The following SBNO1 variants were observed in gnomAD, a reference collection of about 807,000 sequenced individuals.
SBNO1 encodes protein strawberry notch homolog 1.
Under a neutral mutation model 173.6 loss-of-function variants are expected in SBNO1, and 23 were observed. The ratio of observed to expected loss-of-function variants is 0.13; its 90% CI spans 0.10 to 0.19. SBNO1 has a LOEUF of 0.19. Ranked by LOEUF, SBNO1 falls within the 10% of genes least tolerant of loss-of-function variation. The pLI is 1.00. For missense variants in SBNO1, 1,238 were observed against 1,671.2 expected, an observed-to-expected ratio of 0.74 and a Z score of 4.52; for synonymous variants, 632 against 571.5, an observed-to-expected ratio of 1.11 and a Z score of -1.51.
At chr12:123,316,710 T>C (rs1466673500) in intron 21 of SBNO1, among the ~76,000 whole-genome samples, 1 of 149,532 alleles carries the variant, frequency 6.7e-6, no homozygotes, top group African/African-American at 2.4e-5. Context: ...CTTCTTTTTT[T>C]TTTTTTTTTT....
intron 1 of SBNO1, among the ~76,000 whole-genome samples, chr12:123,363,391 T>A (rs538163621): frequency 1.3e-5 from 2 of 152,306 alleles, no homozygotes; most frequent in East Asian, 3.9e-4. Flanking sequence ...TACTGTCAGC[T>A]CGCAGAATTA....
intron 1 of SBNO1, among the ~76,000 whole-genome samples, chr12:123,360,021 C>T (rs1201394911): frequency 6.6e-6 from 1 of 152,086 alleles, no homozygotes; most frequent in Non-Finnish European, 1.5e-5. Context: ...CGGTTGGTCA[C>T]CTGAGGTCAG....
At chr12:123,342,091 A>C (rs1872634719) in intron 4 of SBNO1, among the ~76,000 whole-genome samples, 1 of 151,752 alleles carries the variant, frequency 6.6e-6, no homozygotes, top group Non-Finnish European at 1.5e-5. Flanking sequence ...GTCTCTACTA[A>C]AAATACAAAA....
In SBNO1 at chr12:123,311,720, C is replaced by CTATCTATA. The variant is rs1224940028; in HGVS notation, c.3221-592_3221-591insTATAGATA. On this transcript the variant is annotated intron_variant, in intron 24 of 31. Coordinates refer to ENST00000602398, the MANE Select transcript of SBNO1 (RefSeq NM_001167856.3). ...TCTATCTATCTATCTATCTATCTATCTATATATATATATATATATATATAT... is the reference window on the plus strand; with the variant it reads ...TCTATCTATCTATCTATCTATCTATCTATCTATATATATATATATATATATATATATAT... Among the ~76,000 whole-genome samples, 312 of 127,408 alleles carry CTATCTATA rather than the reference C, an allele frequency of 2.4e-3. 1 individual carries two copies. Among genetic ancestry groups the CTATCTATA allele is most frequent in the African/African-American group, 5.8e-3 (183 of 31,498 alleles). 83.6% of individuals were successfully genotyped at this position (127,408 alleles called of 152,430 possible). A position where few individuals can be genotyped will look rare whatever the true frequency, so the allele number is the denominator to read the frequency against.
rs367548933 is a variant in SBNO1 at position 123,317,400 on chromosome 12, C to T, written c.2800-44G>A. 13 of 1,595,214 alleles carry T rather than the reference C, an allele frequency of 8.1e-6. No homozygotes were observed. In the African/African-American group the frequency reaches 1.3e-4, roughly 16 times the overall value. On this transcript the variant is annotated intron_variant, in intron 20 of 31. Transcript: ENST00000602398. ...AAATAAAGTCACTTTTGCATAAGAA[C>T]AAGCAGGCCAGTGCCTTAAATGAAG...
intron 25 of SBNO1, 108 bp downstream of exon 25, chr12:123,310,947 G>T: frequency 1.2e-6 from 1 of 836,544 alleles, no homozygotes. Flanking sequence ...AAACCACCCA[G>T]AATGTTTTAA....
intron 23 of SBNO1, among the ~76,000 whole-genome samples, chr12:123,314,628 C>T (rs1048881143): frequency 6.6e-6 from 1 of 151,562 alleles, no homozygotes; most frequent in Admixed American, 6.6e-5. Context: ...TGCCCAGCCA[C>T]GCCCAACTAA....
chr12:123,347,674 G>A (rs550247489), intron 3 of SBNO1, among the ~76,000 whole-genome samples: 3 of 152,076 alleles, frequency 2.0e-5, no homozygotes, highest in South Asian at 2.1e-4. Context: ...GACTATAGGC[G>A]TGCACCACCA....
chr12:123,312,408 C>G (rs1406238131), intron 24 of SBNO1, among the ~76,000 whole-genome samples: 3 of 152,098 alleles, frequency 2.0e-5, no homozygotes, highest in African/African-American at 7.2e-5. Flanking sequence ...AAAAGGACTT[C>G]CTAGTGAAAA....
chr12:123,292,287 C>T lies in SBNO1; in HGVS notation c.*3621G>A, dbSNP rs535235018. 1.3e-5 allele frequency: 2 copies of T among 152,240 alleles called. No individual in the cohort carries two copies. The highest frequency in any genetic ancestry group is 1.9e-4 in the East Asian group (1 of 5,184). 9.4% of individuals were successfully genotyped at this position (152,240 alleles called of 1,614,324 possible). A position where few individuals can be genotyped will look rare whatever the true frequency, so the allele number is the denominator to read the frequency against. ...ATGTAGCACCATTCTTAGAAACTAC[C>T]AAGTATCACACAGGTACATGTGTAT... On this transcript the variant is annotated 3_prime_UTR_variant, in exon 32 of 32. Coordinates refer to ENST00000602398, the MANE Select transcript of SBNO1 (RefSeq NM_001167856.3).
intron 13 of SBNO1, 48 bp from the exon 14 acceptor site, chr12:123,326,382 T>C (rs754538864): frequency 4.6e-6 from 6 of 1,299,800 alleles, no homozygotes; most frequent in African/African-American, 4.4e-5. Flanking sequence ...TTGAGTCTAG[T>C]TATTTAAAAA....
intron 19 of SBNO1, 106 bp from the exon 20 acceptor site, chr12:123,320,137 C>T: frequency 1.6e-6 from 2 of 1,247,500 alleles, no homozygotes; most frequent in Non-Finnish European, 1.1e-6. Context: ...ACAGGCTGTG[C>T]TGCACCACAC....
At chr12:123,340,488 G>A (rs1046183016) in intron 5 of SBNO1, among the ~76,000 whole-genome samples, 3 of 150,868 alleles carry the variant, frequency 2.0e-5, no homozygotes, top group African/African-American at 7.3e-5. Context: ...GGCTGAGGTG[G>A]GAGAATCACT....
At chr12:123,362,610 T>C (rs534125068) in intron 1 of SBNO1, among the ~76,000 whole-genome samples, 1 of 143,378 alleles carries the variant, frequency 7.0e-6, no homozygotes, top group South Asian at 2.2e-4. Context: ...GCCAACTACA[T>C]AAAAAAAAAT....
chr12:123,311,590 G>A (rs557150787), intron 24 of SBNO1, among the ~76,000 whole-genome samples: 4 of 151,254 alleles, frequency 2.6e-5, no homozygotes, highest in Admixed American at 6.6e-5. Context: ...CCTAACCTCC[G>A]GAGATCCACC....
Position 123,289,575 on chromosome 12 carries a change from T to C in SBNO1, c.*6333A>G, listed in dbSNP as rs1387649210. 1 of 152,238 alleles carries C rather than the reference T, an allele frequency of 6.6e-6. No homozygotes were observed. The highest frequency in any genetic ancestry group is 1.5e-5 in the Non-Finnish European group (1 of 68,048). The allele number at this position is 152,238 out of a possible 1,614,324, so 9.4% of individuals were successfully genotyped here. A position where few individuals can be genotyped will look rare whatever the true frequency, so the allele number is the denominator to read the frequency against. ...ATGTCAGATTAGTAAAGGAGAACCA[T>C]CTACACCTACATAGAAAAGTATCCT... On this transcript the variant is annotated 3_prime_UTR_variant, in exon 32 of 32. Transcript: ENST00000602398.
chr12:123,352,420 C>T (rs965955004), intron 1 of SBNO1, among the ~76,000 whole-genome samples: 1 of 151,564 alleles, frequency 6.6e-6, no homozygotes, highest in Non-Finnish European at 1.5e-5. Context: ...GATGCTCCTG[C>T]CTCACCCTCC....
chr12:123,314,368 T>C (rs1593347097), intron 23 of SBNO1, among the ~76,000 whole-genome samples: 1 of 151,460 alleles, frequency 6.6e-6, no homozygotes, highest in South Asian at 2.1e-4. Flanking sequence ...TCTTGCTCTG[T>C]TGACAGGCTG....
In SBNO1 at chr12:123,312,288, G is replaced by A. The variant is rs185109471; in HGVS notation, c.3221-1159C>T. 1.9e-3 allele frequency among the ~76,000 whole-genome samples: 290 copies of A among 152,268 alleles called. 3 individuals are homozygous for A. The highest frequency in any genetic ancestry group is 6.7e-3 in the African/African-American group (279 of 41,558). On this transcript the variant is annotated intron_variant, in intron 24 of 31. Coordinates refer to ENST00000602398, the MANE Select transcript of SBNO1 (RefSeq NM_001167856.3). ...TGATGTCAAAAGGAGTGAAGGTGTA[G>A]GGTTAAGACTTTACTGCTTTTGTTG...
Sources: allele counts gnomAD v4.1 joint callset (sites outside exome capture counted in the v4.1 genomes callset), GRCh38; gene constraint gnomAD v4.1.1; transcripts MANE v1.5; gene names NCBI Gene and HGNC (gene_info 2026-07-23, HGNC 2026-07-21).